Variants in GAB1 observed in about 807,000 individuals in gnomAD.
The protein encoded by GAB1 is GRB2-associated-binding protein 1.
GAB1 carries 19 observed loss-of-function variants against 66.5 expected under a neutral mutation model. The observed-to-expected ratio is 0.29, with a 90% CI of 0.20 to 0.42. The LOEUF (loss-of-function observed/expected upper bound fraction) is 0.42. GAB1 is among the 10% of genes least tolerant of loss of function. The pLI, the probability that GAB1 is intolerant of heterozygous loss-of-function variation, is 1.00. For missense variants in GAB1, 732 were observed against 858.5 expected (o/e 0.85, Z 1.84); for synonymous variants, 294 against 301.4 (o/e 0.98, Z 0.25).
intron 1 of GAB1, among the ~76,000 whole-genome samples, chr4:143,340,794 G>A (rs1040555072): frequency 1.3e-4 from 20 of 152,124 alleles, no homozygotes; most frequent in African/African-American, 3.4e-4. Context: ...GAGCCACCAC[G>A]CCTGGCCTTA....
At chr4:143,401,398 AT>A (rs1240765946) in intron 1 of GAB1, among the ~76,000 whole-genome samples, 2 of 152,194 alleles carry the variant, frequency 1.3e-5, no homozygotes, top group Non-Finnish European at 2.9e-5. Context: ...TTTAGTCATT[AT>A]TTGCTTAGAG....
chr4:143,433,897 C>T (rs566967292), intron 3 of GAB1, among the ~76,000 whole-genome samples, 181 bp downstream of exon 3: 1 of 152,306 alleles, frequency 6.6e-6, no homozygotes, highest in Admixed American at 6.5e-5. Context: ...TTCCGATATT[C>T]AGGAGATTGT....
At chr4:143,367,512 A>G (rs1474469909) in intron 1 of GAB1, among the ~76,000 whole-genome samples, 1 of 151,118 alleles carries the variant, frequency 6.6e-6, no homozygotes, top group Non-Finnish European at 1.5e-5. Flanking sequence ...TCACTTTTAT[A>G]TTGGACATGC....
intron 3 of GAB1, among the ~76,000 whole-genome samples, chr4:143,434,879 T>C (rs1441122932): frequency 6.6e-6 from 1 of 152,128 alleles, no homozygotes; most frequent in African/African-American, 2.4e-5. Flanking sequence ...AAGCAGTTGT[T>C]TTACTATTTT....
At chr4:143,409,340 G>A (rs973616435) in intron 1 of GAB1, among the ~76,000 whole-genome samples, 10 of 151,828 alleles carry the variant, frequency 6.6e-5, no homozygotes, top group African/African-American at 2.4e-4. Context: ...AACCTTGTAT[G>A]CTATCTTACT....
At chr4:143,383,415 T>C (rs1730739459) in intron 1 of GAB1, among the ~76,000 whole-genome samples, 1 of 152,230 alleles carries the variant, frequency 6.6e-6, no homozygotes, top group Non-Finnish European at 1.5e-5. Context: ...GCCTTAAATG[T>C]CATGTTCTTT....
At chr4:143,443,544 T>C (rs1382739886) in intron 6 of GAB1, among the ~76,000 whole-genome samples, 6 of 152,340 alleles carry the variant, frequency 3.9e-5, no homozygotes, top group African/African-American at 1.4e-4. Context: ...TTTGGTCCTA[T>C]AATTTTTCTC....
intron 8 of GAB1, among the ~76,000 whole-genome samples, chr4:143,462,310 G>A (rs932845626): frequency 1.3e-5 from 2 of 151,868 alleles, no homozygotes; most frequent in African/African-American, 4.8e-5. Context: ...CTAAATTCTC[G>A]GTCAGAGTAG....
intron 1 of GAB1, among the ~76,000 whole-genome samples, chr4:143,339,519 C>T (rs1371179048): frequency 6.6e-6 from 1 of 152,062 alleles, no homozygotes; most frequent in Non-Finnish European, 1.5e-5. Context: ...TCAAAAATAG[C>T]AACAACAAAA....
intron 1 of GAB1, among the ~76,000 whole-genome samples, chr4:143,378,516 CA>C (rs1474961531): frequency 6.6e-6 from 1 of 151,998 alleles, no homozygotes. Context: ...TGCTTAGCAA[CA>C]ATTAGTAAGG....
chr4:143,367,887 G>T (rs1206110599), intron 1 of GAB1, among the ~76,000 whole-genome samples: 1 of 151,852 alleles, frequency 6.6e-6, no homozygotes, highest in Non-Finnish European at 1.5e-5. Flanking sequence ...ACCATGCCTG[G>T]CTAATTTTTT....
intron 2 of GAB1, among the ~76,000 whole-genome samples, chr4:143,420,591 A>T (rs1732958599): frequency 6.6e-6 from 1 of 152,084 alleles, no homozygotes; most frequent in South Asian, 2.1e-4. Flanking sequence ...TTTCTTGGAA[A>T]TGTACAGATT....
chr4:143,438,946 C>T (rs895389463), intron 4 of GAB1, among the ~76,000 whole-genome samples: 2 of 152,116 alleles, frequency 1.3e-5, no homozygotes, highest in Non-Finnish European at 2.9e-5. Flanking sequence ...CGAGTCATAC[C>T]CTTTCCTGTA....
chr4:143,433,035 C>A (rs1733756541), intron 2 of GAB1, among the ~76,000 whole-genome samples: 2 of 152,164 alleles, frequency 1.3e-5, no homozygotes, highest in Admixed American at 1.3e-4. Context: ...AAAGAACGAT[C>A]ATCGAAATAA....
intron 1 of GAB1, among the ~76,000 whole-genome samples, chr4:143,347,671 A>C (rs977715539): frequency 6.6e-6 from 1 of 152,208 alleles, no homozygotes; most frequent in African/African-American, 2.4e-5. Flanking sequence ...TAGGGGACAT[A>C]GGTTGCACTT....
At chr4:143,387,655 ACT>A (rs1364193847) in intron 1 of GAB1, among the ~76,000 whole-genome samples, 25 of 151,872 alleles carry the variant, frequency 1.6e-4, no homozygotes, top group Middle Eastern at 3.4e-3. Flanking sequence ...TGTAGGTCAG[ACT>A]CTTTCCTCCC....
chr4:143,433,448 G>GT (rs781328639), intron 2 of GAB1, 43 bp from the exon 3 acceptor site: 1 of 1,443,510 alleles, frequency 6.9e-7, no homozygotes, highest in Non-Finnish European at 9.7e-7. Flanking sequence ...TCCAAAAATT[G>GT]TTTAACTGTG....
At chr4:143,401,942 A>G (rs1321163505) in intron 1 of GAB1, among the ~76,000 whole-genome samples, 1 of 152,212 alleles carries the variant, frequency 6.6e-6, no homozygotes, top group African/African-American at 2.4e-5. Context: ...TCTGGAGAAC[A>G]CTTTCCTTGG....
At chr4:143,361,699 A>G (rs1729667207) in intron 1 of GAB1, among the ~76,000 whole-genome samples, 1 of 151,892 alleles carries the variant, frequency 6.6e-6, no homozygotes, top group Non-Finnish European at 1.5e-5. Context: ...GAGACCCCAA[A>G]TGCCACCACC....
Sources: allele counts gnomAD v4.1 joint callset (sites outside exome capture counted in the v4.1 genomes callset), GRCh38; gene constraint gnomAD v4.1.1; transcripts MANE v1.5; gene names NCBI Gene and HGNC (gene_info 2026-07-23, HGNC 2026-07-21).